TMEM132D: variants seen among roughly 807,000 people sequenced by gnomAD.
TMEM132D encodes transmembrane protein 132D.
A neutral mutation model predicts 62.3 loss-of-function variants in TMEM132D; 21 were observed. That is an observed-to-expected ratio of 0.34 (90% CI 0.24 to 0.49). The LOEUF is 0.49. Among genes scored for constraint, TMEM132D ranks in the 20% least tolerant of loss-of-function variants. The pLI, the probability that TMEM132D is intolerant of heterozygous loss-of-function variation, is 0.99. For missense variants in TMEM132D, 1,346 were observed against 1,402.8 expected (o/e 0.96, Z 0.65); for synonymous variants, 621 against 575.6 (o/e 1.08, Z -1.13).
At chr12:129,528,027 T>C (rs558451384) in intron 3 of TMEM132D, among the ~76,000 whole-genome samples, 1 of 152,328 alleles carries the variant, frequency 6.6e-6, no homozygotes, top group South Asian at 2.1e-4. Context: ...TGGCAAATTA[T>C]TAGCAATACA....
At chr12:129,369,067 C>G (rs1446228440) in intron 3 of TMEM132D, among the ~76,000 whole-genome samples, 1 of 152,160 alleles carries the variant, frequency 6.6e-6, no homozygotes, top group Non-Finnish European at 1.5e-5. Context: ...CAAGGAGTAG[C>G]TACCTTCATC....
At chr12:129,808,817 C>CTT (rs11404670) in intron 1 of TMEM132D, among the ~76,000 whole-genome samples, 18,143 of 148,268 alleles carry the variant, frequency 0.12, 1,718 homozygotes, top group African/African-American at 0.25. Context: ...TGAGTGAATA[C>CTT]TTTTTTTTTT....
intron 1 of TMEM132D, among the ~76,000 whole-genome samples, chr12:129,777,805 A>C (rs1018083975): frequency 2.0e-5 from 3 of 152,114 alleles, no homozygotes; most frequent in Non-Finnish European, 4.4e-5. Flanking sequence ...AACACAAATA[A>C]ATTTCATTTA....
intron 4 of TMEM132D, among the ~76,000 whole-genome samples, chr12:129,244,918 G>C (rs565026703): frequency 8.5e-5 from 13 of 152,266 alleles, no homozygotes; most frequent in Non-Finnish European, 1.9e-4. Flanking sequence ...TGGGATTACA[G>C]GTGTGAGCCA....
At chr12:129,898,905 G>A (rs979090561) in intron 1 of TMEM132D, among the ~76,000 whole-genome samples, 3 of 152,202 alleles carry the variant, frequency 2.0e-5, no homozygotes, top group Non-Finnish European at 2.9e-5. Context: ...TGATGAATAC[G>A]AAACTGCCCA....
chr12:129,889,996 C>T (rs73160283), intron 1 of TMEM132D, among the ~76,000 whole-genome samples: 7 of 152,240 alleles, frequency 4.6e-5, no homozygotes, highest in Admixed American at 1.3e-4. Context: ...ATGACATGTA[C>T]GAGATATTCT....
Position 129,903,434 on chromosome 12 carries a change from TG to T in TMEM132D, c.-96del, listed in dbSNP as rs1048291435. ...CCCTAGAGGCCCGCAGCGGGGCCGGTGGCGAGGGAGCGCCCGGCTAGGGGCC... is the reference window on the plus strand; with the variant it reads ...CCCTAGAGGCCCGCAGCGGGGCCGGTGCGAGGGAGCGCCCGGCTAGGGGCC... On this transcript the variant is annotated 5_prime_UTR_variant, in exon 1 of 9. Coordinates refer to ENST00000422113, the MANE Select transcript of TMEM132D (RefSeq NM_133448.3). The surrounding 1 kb of genome is among the most constrained non-coding windows in gnomAD (Gnocchi z 6.2). 1.0e-5 allele frequency: 14 copies of T among 1,368,596 alleles called. No homozygotes were observed. In the Admixed American group the frequency reaches 2.9e-4, roughly 29 times the overall value. The allele number at this position is 1,368,596 out of a possible 1,614,324, so 84.8% of individuals were successfully genotyped here. A position where few individuals can be genotyped will look rare whatever the true frequency, so the allele number is the denominator to read the frequency against.
At chr12:129,432,121 AGGTG>A (rs1167700563) in intron 3 of TMEM132D, among the ~76,000 whole-genome samples, 14 of 133,814 alleles carry the variant, frequency 1.0e-4, no homozygotes, top group African/African-American at 4.2e-4. Context: ...ATGGATGGAT[AGGTG>A]GATGGATGGA....
chr12:129,089,478 C>T (rs1338034018), intron 5 of TMEM132D, among the ~76,000 whole-genome samples: 1 of 53,780 alleles, frequency 1.9e-5, no homozygotes, highest in African/African-American at 1.5e-4. Flanking sequence ...CCTCCATGAC[C>T]GGGTGTCCTC....
chr12:129,247,163 G>A (rs1394833259), intron 4 of TMEM132D, among the ~76,000 whole-genome samples: 1 of 152,132 alleles, frequency 6.6e-6, no homozygotes, highest in East Asian at 1.9e-4. Flanking sequence ...CAATGTACAG[G>A]TTTTCTTTGG....
At chr12:129,505,388 G>A (rs940523746) in intron 3 of TMEM132D, among the ~76,000 whole-genome samples, 12 of 151,866 alleles carry the variant, frequency 7.9e-5, no homozygotes, top group African/African-American at 1.7e-4. Flanking sequence ...GACTACAGGC[G>A]CCTGCCACCA....
At chr12:129,635,647 G>A (rs1051121154) in intron 2 of TMEM132D, among the ~76,000 whole-genome samples, 11 of 152,316 alleles carry the variant, frequency 7.2e-5, no homozygotes, top group African/African-American at 2.6e-4. Flanking sequence ...ATTACTCAAA[G>A]TCCAAGCAAG....
intron 3 of TMEM132D, among the ~76,000 whole-genome samples, chr12:129,447,707 C>G (rs1471407262): frequency 6.6e-6 from 1 of 152,140 alleles, no homozygotes; most frequent in Admixed American, 6.6e-5. Flanking sequence ...TTGAAGAACA[C>G]TGGGGTAGTA....
At chr12:129,650,145 C>T (rs893309704) in intron 2 of TMEM132D, among the ~76,000 whole-genome samples, 1 of 152,158 alleles carries the variant, frequency 6.6e-6, no homozygotes, top group Non-Finnish European at 1.5e-5. Context: ...TGTCAATGCA[C>T]AATGCACACA....
chr12:129,566,994 G>A (rs1000524435), intron 2 of TMEM132D, among the ~76,000 whole-genome samples: 7 of 152,138 alleles, frequency 4.6e-5, no homozygotes, highest in Admixed American at 1.3e-4. Context: ...TACATCTTAC[G>A]TGTATTGACT....
intron 4 of TMEM132D, among the ~76,000 whole-genome samples, chr12:129,308,305 GTTTTCT>G (rs1473179931): frequency 6.6e-6 from 1 of 152,106 alleles, no homozygotes. Context: ...TGGGAACCAT[GTTTTCT>G]TTACCCTACA....
intron 4 of TMEM132D, among the ~76,000 whole-genome samples, chr12:129,298,135 T>C (rs1441385083): frequency 6.6e-6 from 1 of 151,984 alleles, no homozygotes; most frequent in Non-Finnish European, 1.5e-5. Context: ...TATCACCAAC[T>C]CATGGGTGTA....
chr12:129,353,038 T>C (rs1382545369), intron 3 of TMEM132D, among the ~76,000 whole-genome samples: 4 of 152,220 alleles, frequency 2.6e-5, no homozygotes, highest in African/African-American at 9.6e-5. Context: ...TCTTGGGGTC[T>C]GGATTGGGAC....
intron 4 of TMEM132D, among the ~76,000 whole-genome samples, chr12:129,285,415 G>T (rs10744407): frequency 0.62 from 92,661 of 150,150 alleles, 32,666 homozygotes; most frequent in East Asian, 0.78. Flanking sequence ...TAATCCCAGC[G>T]ACCCGGGAGG....
Sources: allele counts gnomAD v4.1 joint callset (sites outside exome capture counted in the v4.1 genomes callset), GRCh38; gene constraint gnomAD v4.1.1; non-coding constraint Gnocchi (gnomAD v3.1); transcripts MANE v1.5; gene names NCBI Gene and HGNC (gene_info 2026-07-23, HGNC 2026-07-21).